Variants in CTNND2 observed in about 807,000 individuals in gnomAD.
The protein encoded by CTNND2 is catenin delta-2.
Under a neutral mutation model 144.4 loss-of-function variants are expected in CTNND2, and 22 were observed. The observed-to-expected ratio is 0.15, with a 90% CI of 0.11 to 0.22. CTNND2 has a LOEUF of 0.22. CTNND2 is among the 10% of genes least tolerant of loss of function. The probability of loss-of-function intolerance (pLI) is 1.00; values close to 1 mark genes in which losing one functional copy is unlikely to be tolerated. For missense variants in CTNND2, 1,353 were observed against 1,618.8 expected, an observed-to-expected ratio of 0.84 and a Z score of 2.82; for synonymous variants, 751 against 695.6, an observed-to-expected ratio of 1.08 and a Z score of -1.25.
chr5:11,772,617 TC>T (rs1360774836), intron 1 of CTNND2, among the ~76,000 whole-genome samples: 2 of 152,182 alleles, frequency 1.3e-5, no homozygotes, highest in African/African-American at 4.8e-5. Context: ...AGCAGTCCTT[TC>T]CTTTAAAAAG....
At chr5:11,533,515 G>A (rs1294150830) in intron 3 of CTNND2, among the ~76,000 whole-genome samples, 2 of 152,206 alleles carry the variant, frequency 1.3e-5, no homozygotes, top group Non-Finnish European at 2.9e-5. Flanking sequence ...TGGCACAGAG[G>A]TCCAGTGTGA....
chr5:11,548,623 C>A (rs1775469910), intron 3 of CTNND2, among the ~76,000 whole-genome samples: 1 of 152,138 alleles, frequency 6.6e-6, no homozygotes, highest in Non-Finnish European at 1.5e-5. Context: ...ATTAACACCT[C>A]AGAGCTATAT....
Position 11,380,491 on chromosome 5 carries a change from G to A in CTNND2, c.1177+4174C>T, listed in dbSNP as rs114663759. Among the ~76,000 whole-genome samples, 378 of 152,314 alleles carry A rather than the reference G, an allele frequency of 2.5e-3. 1 individual carries two copies. Among genetic ancestry groups the A allele is most frequent in the African/African-American group, 8.5e-3 (355 of 41,574 alleles). The stretch of plus-strand genomic sequence containing the variant: ...ATAATTTTAAGCCGGTGAGCAATGA[G>A]CCTACCAGCCTTAAGGAGCTCCCCC... On this transcript the variant is annotated intron_variant, in intron 7 of 21. Transcript: ENST00000304623.
chr5:11,100,274 T>A (rs1416440884), intron 14 of CTNND2, among the ~76,000 whole-genome samples: 1 of 152,172 alleles, frequency 6.6e-6, no homozygotes, highest in East Asian at 1.9e-4. Flanking sequence ...CCATTAAAGG[T>A]CATTTTCAAT....
intron 2 of CTNND2, among the ~76,000 whole-genome samples, chr5:11,623,808 G>GTATATATATATATA (rs58954001): frequency 7.4e-5 from 3 of 40,756 alleles, no homozygotes; most frequent in Non-Finnish European, 9.9e-5. Context: ...ATGTGTGTAT[G>GTATATATATATATA]TATATATATA....
At chr5:11,475,913 A>G (rs1287738639) in intron 3 of CTNND2, among the ~76,000 whole-genome samples, 1 of 151,944 alleles carries the variant, frequency 6.6e-6, no homozygotes, top group Non-Finnish European at 1.5e-5. Context: ...AGGCTGGAAT[A>G]TGTGGCCCCA....
At chr5:11,296,374 C>G (rs1749003234) in intron 9 of CTNND2, among the ~76,000 whole-genome samples, 1 of 152,156 alleles carries the variant, frequency 6.6e-6, no homozygotes, top group African/African-American at 2.4e-5. Context: ...AACACTTTTA[C>G]ACTGTTGGTG....
At chr5:11,393,361 A>T (rs1451231037) in intron 6 of CTNND2, among the ~76,000 whole-genome samples, 1 of 152,218 alleles carries the variant, frequency 6.6e-6, no homozygotes, top group East Asian at 1.9e-4. Flanking sequence ...AGATTTTGAA[A>T]TCTTTAGGCT....
At chr5:11,267,811 C>G (rs763905881) in intron 9 of CTNND2, among the ~76,000 whole-genome samples, 2 of 152,176 alleles carry the variant, frequency 1.3e-5, no homozygotes, top group African/African-American at 4.8e-5. Flanking sequence ...AATGTTCTTA[C>G]TAGATCCCTT....
At chr5:11,031,262 T>C (rs1467098869) in intron 16 of CTNND2, among the ~76,000 whole-genome samples, 1 of 152,156 alleles carries the variant, frequency 6.6e-6, no homozygotes, top group African/African-American at 2.4e-5. Flanking sequence ...GTCACTGTAG[T>C]GAGAAGCAGC....
chr5:11,718,461 G>A (rs1429044389), intron 2 of CTNND2, among the ~76,000 whole-genome samples: 1 of 152,116 alleles, frequency 6.6e-6, no homozygotes, highest in Non-Finnish European at 1.5e-5. Context: ...TGACTGAGAT[G>A]AGCAACACAA....
chr5:11,701,654 T>A (rs1385526928), intron 2 of CTNND2, among the ~76,000 whole-genome samples: 2 of 152,132 alleles, frequency 1.3e-5, no homozygotes, highest in African/African-American at 4.8e-5. Context: ...AACATACTTA[T>A]ACATACATAA....
At chr5:11,472,395 A>G (rs111824108) in intron 3 of CTNND2, among the ~76,000 whole-genome samples, 2,404 of 152,250 alleles carry the variant, frequency 0.016, 61 homozygotes, top group African/African-American at 0.055. Flanking sequence ...ATCTTATCCT[A>G]AAATATTTTC....
intron 1 of CTNND2, among the ~76,000 whole-genome samples, chr5:11,780,542 G>C (rs1790491544): frequency 6.6e-6 from 1 of 152,116 alleles, no homozygotes; most frequent in South Asian, 2.1e-4. Flanking sequence ...TGTTGAAATA[G>C]CAGCTTTTAT....
chr5:10,997,062 T>G (rs1579988943), intron 18 of CTNND2, among the ~76,000 whole-genome samples: 1 of 150,908 alleles, frequency 6.6e-6, no homozygotes, highest in Non-Finnish European at 1.5e-5. Flanking sequence ...ACAGCTGAGG[T>G]GATGAGAGAT....
At chr5:11,741,485 G>C (rs1310838785) in intron 1 of CTNND2, among the ~76,000 whole-genome samples, 1 of 151,874 alleles carries the variant, frequency 6.6e-6, no homozygotes, top group Non-Finnish European at 1.5e-5. Context: ...AGCAAACACT[G>C]CATGTTCTCA....
chr5:11,672,147 TCTGGAA>T (rs1257962315), intron 2 of CTNND2, among the ~76,000 whole-genome samples: 1 of 152,214 alleles, frequency 6.6e-6, no homozygotes. Context: ...TGTTCCTCCC[TCTGGAA>T]GCTTCGTCCC....
chr5:11,742,625 C>T (rs1788080194), intron 1 of CTNND2, among the ~76,000 whole-genome samples: 1 of 152,040 alleles, frequency 6.6e-6, no homozygotes, highest in Middle Eastern at 3.2e-3. Flanking sequence ...TTACCTTATA[C>T]CCAAGTGAAT....
At chr5:11,662,249 A>G (rs1561669493) in intron 2 of CTNND2, among the ~76,000 whole-genome samples, 1 of 133,384 alleles carries the variant, frequency 7.5e-6, no homozygotes, top group Non-Finnish European at 1.5e-5. Flanking sequence ...ATATACATAT[A>G]TGTGTGTATA....
Sources: gnomAD v4.1 joint callset for allele counts (sites outside exome capture counted in the v4.1 genomes callset) on GRCh38, gnomAD v4.1.1 for gene constraint, MANE v1.5 for transcripts, NCBI Gene and HGNC (gene_info 2026-07-23, HGNC 2026-07-21) for gene names.